The following CCDC181 variants were observed in gnomAD, a reference collection of about 807,000 sequenced individuals.
CCDC181 encodes coiled-coil domain-containing protein 181.
CCDC181 carries 35 observed loss-of-function variants against 58.7 expected under a neutral mutation model. The ratio of observed to expected loss-of-function variants is 0.60; its 90% CI spans 0.46 to 0.79. CCDC181 has a LOEUF of 0.79. CCDC181 is among the 30% of genes least tolerant of loss of function. CCDC181 has a pLI of 0.00. For missense variants in CCDC181, 517 were observed against 583.9 expected (o/e 0.89, Z 1.18); for synonymous variants, 183 against 197.5 (o/e 0.93, Z 0.62).
intron 2 of CCDC181, among the ~76,000 whole-genome samples, chr1:169,434,551 G>A (rs988414880): frequency 3.3e-5 from 5 of 152,024 alleles, no homozygotes; most frequent in African/African-American, 1.2e-4. Flanking sequence ...ATTGACAGAT[G>A]AATGGATAAG....
intron 2 of CCDC181, among the ~76,000 whole-genome samples, chr1:169,434,117 A>T (rs1348463750): frequency 6.6e-6 from 1 of 151,990 alleles, no homozygotes; most frequent in Non-Finnish European, 1.5e-5. Context: ...CAAACACTCC[A>T]ATTCAAAAAA....
chr1:169,435,106 G>A (rs1040588753), intron 2 of CCDC181, among the ~76,000 whole-genome samples: 3 of 152,032 alleles, frequency 2.0e-5, no homozygotes, highest in Non-Finnish European at 4.4e-5. Flanking sequence ...TTTATGATAG[G>A]TGTTTTTTTA....
At chr1:169,408,127 A>G (rs1655770462) in intron 4 of CCDC181, among the ~76,000 whole-genome samples, 1 of 152,206 alleles carries the variant, frequency 6.6e-6, no homozygotes, top group African/African-American at 2.4e-5. Context: ...CTAGCTCAGC[A>G]GATCTCACCC....
At chr1:169,405,711 A>G (rs1174042590) in intron 4 of CCDC181, among the ~76,000 whole-genome samples, 1 of 152,242 alleles carries the variant, frequency 6.6e-6, no homozygotes, top group African/African-American at 2.4e-5. Flanking sequence ...ACCCTAGAAG[A>G]AAAGCTAGGA....
At chr1:169,445,257 A>G (rs1057422044) in intron 2 of CCDC181, among the ~76,000 whole-genome samples, 1 of 152,078 alleles carries the variant, frequency 6.6e-6, no homozygotes, top group African/African-American at 2.4e-5. Context: ...ATCATTCACT[A>G]TGATTTTAGG....
At chr1:169,403,861 A>C (rs1003902938) in intron 4 of CCDC181, among the ~76,000 whole-genome samples, 1 of 152,214 alleles carries the variant, frequency 6.6e-6, no homozygotes, top group East Asian at 1.9e-4. Flanking sequence ...AAAAAAATCA[A>C]TGAATCCAGG....
chr1:169,419,438 G>A (rs576382810), intron 3 of CCDC181, among the ~76,000 whole-genome samples: 1 of 152,062 alleles, frequency 6.6e-6, no homozygotes, highest in Non-Finnish European at 1.5e-5. Context: ...AAATTAGCTG[G>A]GCTAATTTAA....
chr1:169,426,305 A>T (rs900253492), intron 1 of CCDC181, among the ~76,000 whole-genome samples: 5 of 152,242 alleles, frequency 3.3e-5, no homozygotes, highest in African/African-American at 9.6e-5. Flanking sequence ...CATATGGTAC[A>T]GAATCAACAA....
At chr1:169,452,227 A>G (rs1472680955) in intron 2 of CCDC181, among the ~76,000 whole-genome samples, 1 of 152,148 alleles carries the variant, frequency 6.6e-6, no homozygotes, top group Non-Finnish European at 1.5e-5. Context: ...CCAGTGAGGT[A>G]AAGAAAAAGA....
chr1:169,415,893 A>C (rs1268604476), intron 4 of CCDC181, among the ~76,000 whole-genome samples: 3 of 152,138 alleles, frequency 2.0e-5, no homozygotes, highest in African/African-American at 7.2e-5. Context: ...CCACCTCTGA[A>C]ATCGCTAATT....
At chr1:169,443,731 T>A (rs942726957) in intron 2 of CCDC181, among the ~76,000 whole-genome samples, 1 of 152,128 alleles carries the variant, frequency 6.6e-6, no homozygotes, top group Non-Finnish European at 1.5e-5. Context: ...ACACCAAGCC[T>A]CCATTTAAGG....
At chr1:169,456,451 T>C (rs971832019) in intron 2 of CCDC181, among the ~76,000 whole-genome samples, 2 of 152,142 alleles carry the variant, frequency 1.3e-5, no homozygotes, top group African/African-American at 4.8e-5. Context: ...CTAATGACTG[T>C]TTGGTGCTGT....
At chr1:169,427,047 T>A (rs185022456) in intron 1 of CCDC181, among the ~76,000 whole-genome samples, 1 of 152,010 alleles carries the variant, frequency 6.6e-6, no homozygotes, top group Admixed American at 6.6e-5. Context: ...AAAAATTTAG[T>A]CTAAGCTACT....
chr1:169,433,186 AATG>A (rs1383381035), intron 2 of CCDC181, among the ~76,000 whole-genome samples: 1 of 152,010 alleles, frequency 6.6e-6, no homozygotes, highest in African/African-American at 2.4e-5. Context: ...TCTATACACT[AATG>A]ATGAACAGTC....
chr1:169,408,252 C>T (rs1655779221), intron 4 of CCDC181, among the ~76,000 whole-genome samples: 1 of 152,212 alleles, frequency 6.6e-6, no homozygotes, highest in East Asian at 1.9e-4. Flanking sequence ...TCCACCATTA[C>T]TGAGGCTTGA....
At chr1:169,430,381 C>T (rs1447263208), upstream of CCDC181, among the ~76,000 whole-genome samples, 1 of 152,046 alleles carries the variant, frequency 6.6e-6, no homozygotes, top group Non-Finnish European at 1.5e-5. Context: ...CTGCTTTTGG[C>T]AGTATAGTCA....
At chr1:169,412,223 G>A (rs529705667) in intron 4 of CCDC181, among the ~76,000 whole-genome samples, 51 of 151,780 alleles carry the variant, frequency 3.4e-4, no homozygotes, top group Middle Eastern at 3.4e-3. Flanking sequence ...CAAGCATTAC[G>A]ATACAGCAGT....
intron 4 of CCDC181, among the ~76,000 whole-genome samples, chr1:169,410,310 C>A (rs1002299428): frequency 1.3e-5 from 2 of 151,682 alleles, no homozygotes; most frequent in South Asian, 4.2e-4. Context: ...ATTACATAAT[C>A]GTAAAGGGAT....
chr1:169,436,059 G>A (rs547950374), intron 2 of CCDC181, among the ~76,000 whole-genome samples: 13 of 152,268 alleles, frequency 8.5e-5, no homozygotes, highest in African/African-American at 3.1e-4. Context: ...AATACAGTTT[G>A]TGAACTAAGC....
Sources: allele counts gnomAD v4.1 joint callset (sites outside exome capture counted in the v4.1 genomes callset), GRCh38; gene constraint gnomAD v4.1.1; transcripts MANE v1.5; gene names NCBI Gene and HGNC (gene_info 2026-07-23, HGNC 2026-07-21).